The following SREK1IP1 variants were observed in gnomAD, a reference collection of about 807,000 sequenced individuals.
The protein encoded by SREK1IP1 is protein SREK1IP1.
SREK1IP1 carries 12 observed loss-of-function variants against 22.8 expected under a neutral mutation model. The observed-to-expected ratio is 0.53, with a 90% confidence interval of 0.34 to 0.85. The LOEUF is 0.85. SREK1IP1 is among the 40% of genes least tolerant of loss of function. The pLI, the probability that SREK1IP1 is intolerant of heterozygous loss-of-function variation, is 0.02. For missense variants in SREK1IP1, 147 were observed against 171.8 expected, an observed-to-expected ratio of 0.86 and a Z score of 0.81; for synonymous variants, 53 against 52.7, an observed-to-expected ratio of 1.01 and a Z score of -0.02.
chr5:64,721,083 T>A lies in SREK1IP1; in HGVS notation c.*3301A>T, dbSNP rs1742154212. ...CCCTCATTCTTATCCTTAATCAAAT[T>A]GCAATTCAGTCACTACTTTCTCTAG... On this transcript the variant is annotated 3_prime_UTR_variant, in exon 5 of 5. Coordinates refer to ENST00000513458, the MANE Select transcript of SREK1IP1 (RefSeq NM_173829.4). 1 of 152,204 alleles carries A rather than the reference T, an allele frequency of 6.6e-6. No homozygotes were observed. The highest frequency in any genetic ancestry group is 1.5e-5 in the Non-Finnish European group (1 of 68,028). The allele number at this position is 152,204 out of a possible 1,614,324, so 9.4% of individuals were successfully genotyped here. A position where few individuals can be genotyped will look rare whatever the true frequency, so the allele number is the denominator to read the frequency against.
Position 64,763,393 on chromosome 5 carries a change from C to T in SREK1IP1, c.13+5112G>A, listed in dbSNP as rs533601610. Among the ~76,000 whole-genome samples, 118 of 151,886 alleles carry T rather than the reference C, an allele frequency of 7.8e-4. 1 individual carries two copies. Among genetic ancestry groups the T allele is most frequent in the South Asian group, 3.7e-3 (18 of 4,804 alleles). On this transcript the variant is annotated intron_variant, in intron 1 of 4. Transcript: ENST00000513458. ...TCTACTAAAAATACAAAAAATTACC[C>T]GGGTATAGTGGCATGTGCCTGTAGT...
Position 64,724,106 on chromosome 5 carries a change from AAC to A in SREK1IP1, c.*276_*277del. The A allele has an allele frequency of 4.1e-6, 1 of 241,606 alleles. No homozygotes were observed. Among genetic ancestry groups the A allele is most frequent in the Non-Finnish European group, 7.9e-6 (1 of 126,172 alleles). The allele number at this position is 241,606 out of a possible 1,614,324, so 15.0% of individuals were successfully genotyped here. ...ACTTATGAAGTAGTAACACTAGCCA[AAC>A]ACACAGAGACACAAATACCAAAAAT... On this transcript the variant is annotated 3_prime_UTR_variant, in exon 5 of 5. Coordinates refer to ENST00000513458, the MANE Select transcript of SREK1IP1 (RefSeq NM_173829.4).
intron 3 of SREK1IP1, among the ~76,000 whole-genome samples, chr5:64,728,862 TAAG>T (rs1443714054): frequency 6.6e-6 from 1 of 152,186 alleles, no homozygotes; most frequent in Non-Finnish European, 1.5e-5. Flanking sequence ...TTTGTACATA[TAAG>T]AAGTATTTCT....
Position 64,722,715 on chromosome 5 carries a change from G to C in SREK1IP1, c.*1669C>G, listed in dbSNP as rs936636765. On this transcript the variant is annotated 3_prime_UTR_variant, in exon 5 of 5. Coordinates refer to ENST00000513458, the MANE Select transcript of SREK1IP1 (RefSeq NM_173829.4). The stretch of plus-strand genomic sequence containing the variant: ...TATTTAAACAAAAGCATTTCCTTTT[G>C]AGAGGCCCAAATGACTAAATTAGGT... 2 of 152,148 alleles carry C rather than the reference G, an allele frequency of 1.3e-5. No individual in the cohort carries two copies. Among genetic ancestry groups the C allele is most frequent in the African/African-American group, 4.8e-5 (2 of 41,432 alleles). 9.4% of individuals were successfully genotyped at this position (152,148 alleles called of 1,614,324 possible).
At chr5:64,768,368 A>C (rs747437713) in intron 1 of SREK1IP1, 137 bp downstream of exon 1, 49 of 1,129,248 alleles carry the variant, frequency 4.3e-5, no homozygotes, top group Non-Finnish European at 6.1e-5. Context: ...TTTTCATGTA[A>C]ACAAAACAAA....
chr5:64,741,014 C>T lies in SREK1IP1; in HGVS notation c.205+43G>A, dbSNP rs1178031232. Reference sequence around the variant, plus strand: ...GAAAGCATGATATAATATGACAGAACATTTACAAACATTTCTAAAGAATGG... The same window carrying T: ...GAAAGCATGATATAATATGACAGAATATTTACAAACATTTCTAAAGAATGG... On this transcript the variant is annotated intron_variant, in intron 3 of 4. Transcript: ENST00000513458. The T allele has an allele frequency of 5.2e-6, 8 of 1,550,090 alleles. No individual in the cohort carries two copies. The South Asian group carries it at 9.0e-5, about 18-fold the overall frequency.
At chr5:64,752,862 C>A (rs1449261641) in intron 2 of SREK1IP1, among the ~76,000 whole-genome samples, 1 of 152,216 alleles carries the variant, frequency 6.6e-6, no homozygotes, top group East Asian at 1.9e-4. Flanking sequence ...TCTTTAATAG[C>A]TGTGGAGATG....
At chr5:64,726,725 G>C (rs1456808126) in intron 4 of SREK1IP1, among the ~76,000 whole-genome samples, 1 of 152,044 alleles carries the variant, frequency 6.6e-6, no homozygotes, top group Non-Finnish European at 1.5e-5. Flanking sequence ...AATATGCTCA[G>C]AACACTTACA....
At chr5:64,728,965 G>A (rs562574676) in intron 3 of SREK1IP1, among the ~76,000 whole-genome samples, 290 of 152,220 alleles carry the variant, frequency 1.9e-3, no homozygotes, top group African/African-American at 6.4e-3. Context: ...AGGCGAGGCG[G>A]GTGGATCATG....
intron 2 of SREK1IP1, among the ~76,000 whole-genome samples, chr5:64,744,201 C>T (rs1279068554): frequency 6.6e-6 from 1 of 151,978 alleles, no homozygotes; most frequent in Non-Finnish European, 1.5e-5. Flanking sequence ...CTCCCAAGCG[C>T]AGGTAGGGCA....
chr5:64,768,587 A>G lies in SREK1IP1; in HGVS notation c.-70T>C, dbSNP rs1295550124. On this transcript the variant is annotated 5_prime_UTR_variant, in exon 1 of 5. Transcript: ENST00000513458. ...GCGCTTGCTTCCCGCCAGCTGTGAGAACAAGGCACAGTCAAAGCGGCGTTT... is the reference window on the plus strand; with the variant it reads ...GCGCTTGCTTCCCGCCAGCTGTGAGGACAAGGCACAGTCAAAGCGGCGTTT... 8.7e-6 allele frequency: 14 copies of G among 1,610,888 alleles called. No individual in the cohort carries two copies. The highest frequency in any genetic ancestry group is 2.2e-5 in the East Asian group (1 of 44,852).
At chr5:64,752,213 G>A (rs6889026) in intron 2 of SREK1IP1, among the ~76,000 whole-genome samples, 46,553 of 141,890 alleles carry the variant, frequency 0.33, 7,868 homozygotes, top group East Asian at 0.51. Context: ...GTGCAGTGGC[G>A]CAATCTCGGC....
rs1486285887 is a variant in SREK1IP1 at position 64,722,281 on chromosome 5, T to C, written c.*2103A>G. 1.3e-5 allele frequency: 2 copies of C among 152,186 alleles called. No homozygotes were observed. The highest frequency in any genetic ancestry group is 2.9e-5 in the Non-Finnish European group (2 of 68,028). 9.4% of individuals were successfully genotyped at this position (152,186 alleles called of 1,614,324 possible). A position where few individuals can be genotyped will look rare whatever the true frequency, so the allele number is the denominator to read the frequency against. ...TTAGTTAACGAGGACTGACTTTTGC[T>C]CTTCTCAGTCATTATTGTGTCACCA... On this transcript the variant is annotated 3_prime_UTR_variant, in exon 5 of 5. Transcript: ENST00000513458.
chr5:64,759,278 C>G (rs935130932), intron 1 of SREK1IP1, among the ~76,000 whole-genome samples: 8 of 152,064 alleles, frequency 5.3e-5, no homozygotes, highest in East Asian at 3.9e-4. Context: ...GAATAAGAAC[C>G]CTGGCTGATA....
intron 3 of SREK1IP1, among the ~76,000 whole-genome samples, chr5:64,736,833 C>A (rs1253982159): frequency 6.6e-6 from 1 of 151,960 alleles, no homozygotes; most frequent in African/African-American, 2.4e-5. Context: ...CCTCTTCATT[C>A]CTGGTATTCT....
At chr5:64,761,817 A>G (rs1432390741) in intron 1 of SREK1IP1, among the ~76,000 whole-genome samples, 3 of 152,228 alleles carry the variant, frequency 2.0e-5, no homozygotes, top group Admixed American at 6.5e-5. Context: ...TTCAAGCCAA[A>G]CATTTGTGAT....
chr5:64,765,323 G>T (rs1289652163), intron 1 of SREK1IP1, among the ~76,000 whole-genome samples: 1 of 152,160 alleles, frequency 6.6e-6, no homozygotes, highest in African/African-American at 2.4e-5. Flanking sequence ...AGACAAGGCT[G>T]ATTTTTATGT....
At chr5:64,767,646 T>TATGAA (rs1743067653) in intron 1 of SREK1IP1, among the ~76,000 whole-genome samples, 1 of 152,206 alleles carries the variant, frequency 6.6e-6, no homozygotes, top group Admixed American at 6.5e-5. Context: ...CCATAGTAAT[T>TATGAA]CTATAGTTCA....
chr5:64,741,131 A>C lies in SREK1IP1; in HGVS notation c.131T>G (p.Val44Gly). The C allele has an allele frequency of 6.2e-7, 1 of 1,613,016 alleles. No homozygotes were observed. Among genetic ancestry groups the C allele is most frequent in the South Asian group, 1.1e-5 (1 of 91,010 alleles). Reference protein sequence around the residue: ...VDPKRDIVLDVSSTSSEDSDE... With the variant: ...VDPKRDIVLDGSSTSSEDSDE... ...GCTATCTTCACTACTTGTACTGCTG[A>C]CATCCAAAACTATGTCCCTTTTAGG... Residue 44 changes from valine to glycine, a missense_variant, in exon 3 of 5, where the codon GTC becomes GGC. Physicochemically the swap from Val to Gly is moderately radical, Grantham distance 109. Transcript: ENST00000513458.
Sources: gnomAD v4.1 joint callset for allele counts (sites outside exome capture counted in the v4.1 genomes callset) on GRCh38, gnomAD v4.1.1 for gene constraint, MANE v1.5 for transcripts, NCBI Gene and HGNC (gene_info 2026-07-23, HGNC 2026-07-21) for gene names.